Variants in GRXCR1 observed in about 807,000 individuals in gnomAD.
GRXCR1 encodes glutaredoxin domain-containing cysteine-rich protein 1.
Under a neutral mutation model 27.3 loss-of-function variants are expected in GRXCR1, and 27 were observed. The ratio of observed to expected loss-of-function variants is 0.99; its 90% confidence interval spans 0.73 to 1.37. The LOEUF is 1.37. Ranked by LOEUF, GRXCR1 falls within the 40% of genes most tolerant of loss-of-function variation. The pLI, the probability that GRXCR1 is intolerant of heterozygous loss-of-function variation, is 0.00. For synonymous variants in GRXCR1, 122 were observed against 131.1 expected (o/e 0.93, Z 0.47); for missense variants, 379 against 354.4 (o/e 1.07, Z -0.56).
chr4:43,017,211 C>T (rs1254948547), intron 2 of GRXCR1, among the ~76,000 whole-genome samples: 1 of 152,184 alleles, frequency 6.6e-6, no homozygotes, highest in Non-Finnish European at 1.5e-5. Flanking sequence ...CTTCAATTCA[C>T]TTGAGCTTCT....
intron 1 of GRXCR1, among the ~76,000 whole-genome samples, chr4:42,934,667 A>G (rs1747415314): frequency 1.3e-5 from 2 of 152,070 alleles, no homozygotes; most frequent in East Asian, 1.9e-4. Context: ...TTTTTACAAA[A>G]TACTTTCACT....
rs1459298596 is a variant in GRXCR1 at position 43,030,552 on chromosome 4, A to G, written c.*12A>G. 2 of 1,612,158 alleles carry G rather than the reference A, an allele frequency of 1.2e-6. No individual in the cohort carries two copies. Among genetic ancestry groups the G allele is most frequent in the Admixed American group, 3.3e-5 (2 of 60,014 alleles). On this transcript the variant is annotated 3_prime_UTR_variant, in exon 4 of 4. Coordinates refer to ENST00000399770, the MANE Select transcript of GRXCR1 (RefSeq NM_001080476.3). ...ACTGTGCTGGTTAATTGGAGCTTCT[A>G]CCCAGGAAAAACCTCATTTTATTAA...
At chr4:42,988,587 T>A (rs942275472) in intron 2 of GRXCR1, among the ~76,000 whole-genome samples, 2 of 152,228 alleles carry the variant, frequency 1.3e-5, no homozygotes, top group Admixed American at 1.3e-4. Flanking sequence ...ATAAGTATAT[T>A]TTTCCTTTGT....
At chr4:42,979,958 T>C (rs1388707045) in intron 2 of GRXCR1, among the ~76,000 whole-genome samples, 1 of 152,070 alleles carries the variant, frequency 6.6e-6, no homozygotes, top group Non-Finnish European at 1.5e-5. Flanking sequence ...TATATAATTG[T>C]TGATAAGTAT....
rs1269501088 is a variant in GRXCR1, at chr4:42,962,905, A to C, written c.398A>C (p.Asp133Ala). 6.2e-7 allele frequency: 1 copy of C among 1,612,522 alleles called. No homozygotes were observed. The highest frequency in any genetic ancestry group is 8.5e-7 in the Non-Finnish European group (1 of 1,178,942). ...TTTTCCCTTCAGCAACCATCAACTG[A>C]TCTAGAATTTGACCGTGTAGTGATT... ...LTKVLQQPST[D>A]LEFDRVVIYT... Residue 133 changes from aspartate to alanine, a missense_variant, in exon 2 of 4, where the codon GAT becomes GCT. Asp to Ala is a moderately radical substitution (Grantham distance 126, BLOSUM62 -2). Coordinates refer to ENST00000399770, the MANE Select transcript of GRXCR1 (RefSeq NM_001080476.3).
chr4:42,953,380 T>C (rs751721903), intron 1 of GRXCR1, among the ~76,000 whole-genome samples: 2 of 152,150 alleles, frequency 1.3e-5, no homozygotes, highest in African/African-American at 2.4e-5. Context: ...TGTTTACCCT[T>C]TGAACCTGAC....
At chr4:42,944,264 T>C (rs990707796) in intron 1 of GRXCR1, among the ~76,000 whole-genome samples, 1 of 152,064 alleles carries the variant, frequency 6.6e-6, no homozygotes, top group Non-Finnish European at 1.5e-5. Flanking sequence ...ACTTTTAGAC[T>C]TGTTGAGTTT....
chr4:43,023,614 T>C (rs1414555002), intron 3 of GRXCR1, among the ~76,000 whole-genome samples: 1 of 152,218 alleles, frequency 6.6e-6, no homozygotes, highest in Non-Finnish European at 1.5e-5. Context: ...ACTGTGTTCC[T>C]GAAATGACAG....
At chr4:42,987,671 G>A (rs1711823029) in intron 2 of GRXCR1, among the ~76,000 whole-genome samples, 1 of 152,034 alleles carries the variant, frequency 6.6e-6, no homozygotes, top group Non-Finnish European at 1.5e-5. Flanking sequence ...ACAAACCTTT[G>A]CTATACCTGA....
chr4:42,974,029 C>T (rs537525853), intron 2 of GRXCR1, among the ~76,000 whole-genome samples: 7 of 152,116 alleles, frequency 4.6e-5, no homozygotes, highest in Non-Finnish European at 7.4e-5. Flanking sequence ...ATAGAACCAA[C>T]GTTTCATATG....
chr4:42,985,887 T>A (rs974869120), intron 2 of GRXCR1, among the ~76,000 whole-genome samples: 1 of 152,192 alleles, frequency 6.6e-6, no homozygotes, highest in Non-Finnish European at 1.5e-5. Flanking sequence ...TAGCTTGACT[T>A]GAAAAAAATA....
chr4:43,019,752 G>T (rs1013893837), intron 2 of GRXCR1, among the ~76,000 whole-genome samples: 1 of 152,102 alleles, frequency 6.6e-6, no homozygotes, highest in Admixed American at 6.6e-5. Context: ...TTCTCTCTGT[G>T]TCTTCTCTGG....
At chr4:42,947,876 G>C (rs1747785214) in intron 1 of GRXCR1, among the ~76,000 whole-genome samples, 1 of 152,120 alleles carries the variant, frequency 6.6e-6, no homozygotes, top group Admixed American at 6.6e-5. Context: ...AAATGGTATA[G>C]TACATGTAGT....
At chr4:42,902,177 A>G (rs965233230) in intron 1 of GRXCR1, among the ~76,000 whole-genome samples, 5 of 152,190 alleles carry the variant, frequency 3.3e-5, no homozygotes, top group Non-Finnish European at 5.9e-5. Context: ...AATAACACCA[A>G]GTGAGTCAAA....
intron 3 of GRXCR1, among the ~76,000 whole-genome samples, chr4:43,020,630 T>C (rs146266261): frequency 6.6e-6 from 1 of 152,334 alleles, no homozygotes; most frequent in Non-Finnish European, 1.5e-5. Context: ...CTCATACTAT[T>C]AGGTGAGTGT....
chr4:42,933,311 C>A (rs1747374819), intron 1 of GRXCR1, among the ~76,000 whole-genome samples: 1 of 151,994 alleles, frequency 6.6e-6, no homozygotes, highest in East Asian at 2.0e-4. Flanking sequence ...AGCCATGTTG[C>A]TTGAACCCGC....
chr4:43,020,322 G>T, intron 2 of GRXCR1, 32 bp from the exon 3 acceptor site: 4 of 1,406,236 alleles, frequency 2.8e-6, no homozygotes, highest in Non-Finnish European at 4.0e-6. Flanking sequence ...TAACAAAAAT[G>T]GATTTTTCTC....
At chr4:42,973,826 A>G (rs967438661) in intron 2 of GRXCR1, among the ~76,000 whole-genome samples, 1 of 152,100 alleles carries the variant, frequency 6.6e-6, no homozygotes, top group Non-Finnish European at 1.5e-5. Context: ...ACAGTTTTGG[A>G]TATTGTGAAG....
At chr4:43,014,258 A>C (rs955208895) in intron 2 of GRXCR1, among the ~76,000 whole-genome samples, 1 of 152,054 alleles carries the variant, frequency 6.6e-6, no homozygotes, top group South Asian at 2.1e-4. Flanking sequence ...CAGGGACTCA[A>C]TGGGGTCTGG....
Sources: allele counts gnomAD v4.1 joint callset (sites outside exome capture counted in the v4.1 genomes callset), GRCh38; gene constraint gnomAD v4.1.1; transcripts MANE v1.5; gene names NCBI Gene and HGNC (gene_info 2026-07-23, HGNC 2026-07-21).